CSMD1: variants seen among roughly 807,000 people sequenced by gnomAD.
CSMD1 encodes CUB and Sushi multiple domains 1.
Under a neutral mutation model 417.5 loss-of-function variants are expected in CSMD1, and 213 were observed. That is an observed-to-expected ratio of 0.51 (90% CI 0.46 to 0.57). CSMD1 has a LOEUF of 0.57. CSMD1 is among the 20% of genes least tolerant of loss of function. CSMD1 has a pLI of 0.00. For missense variants in CSMD1, 6,923 were observed against 4,529.7 expected (o/e 1.53, Z -15.17); for synonymous variants, 2,862 against 1,736.8 (o/e 1.65, Z -16.11).
chr8:3,067,845 C>T (rs921006021), intron 49 of CSMD1, among the ~76,000 whole-genome samples: 1 of 151,900 alleles, frequency 6.6e-6, no homozygotes, highest in Non-Finnish European at 1.5e-5. Flanking sequence ...CTCATACTAA[C>T]AATATGAGTC....
At chr8:3,414,632 T>G (rs1250551183) in intron 12 of CSMD1, among the ~76,000 whole-genome samples, 1 of 152,154 alleles carries the variant, frequency 6.6e-6, no homozygotes, top group East Asian at 1.9e-4. Flanking sequence ...CCAACTTTGT[T>G]CTTAGTCCAG....
intron 1 of CSMD1, among the ~76,000 whole-genome samples, chr8:4,926,521 T>A (rs1806882971): frequency 6.6e-6 from 1 of 152,242 alleles, no homozygotes. Flanking sequence ...GTTATCTTAT[T>A]TGTTTTTAAT....
chr8:3,577,015 G>A (rs138859345), intron 9 of CSMD1, among the ~76,000 whole-genome samples: 187 of 152,300 alleles, frequency 1.2e-3, no homozygotes, highest in Middle Eastern at 3.4e-3. Flanking sequence ...TGCATTTCAA[G>A]CTTTTAAAAA....
intron 1 of CSMD1, among the ~76,000 whole-genome samples, chr8:4,750,019 T>G (rs868615641): frequency 6.9e-4 from 105 of 152,106 alleles, no homozygotes; most frequent in African/African-American, 2.4e-3. Context: ...TTATTATTAT[T>G]TTTTTGAGAT....
chr8:4,336,448 C>G (rs1022564945), intron 3 of CSMD1, among the ~76,000 whole-genome samples: 5 of 152,132 alleles, frequency 3.3e-5, no homozygotes, highest in East Asian at 1.9e-4. Context: ...ATGTCAGCAT[C>G]TGTGCTATGT....
intron 63 of CSMD1, among the ~76,000 whole-genome samples, 161 bp from the exon 64 acceptor site, chr8:2,955,929 TG>T (rs987563606): frequency 6.6e-6 from 1 of 151,948 alleles, no homozygotes; most frequent in Non-Finnish European, 1.5e-5. Flanking sequence ...TTGGTAGAGA[TG>T]AAGTCTTGCT....
intron 5 of CSMD1, among the ~76,000 whole-genome samples, chr8:3,790,598 C>A (rs954842072): frequency 1.3e-5 from 2 of 152,094 alleles, no homozygotes; most frequent in African/African-American, 4.8e-5. Context: ...TTGGCATACA[C>A]AACAATTACA....
At chr8:3,369,420 T>A (rs780124171) in intron 18 of CSMD1, 50 bp from the exon 19 acceptor site, 6 of 878,806 alleles carry the variant, frequency 6.8e-6, no homozygotes, top group Non-Finnish European at 1.1e-5. Context: ...TCACAATGAT[T>A]GCCAGAACAA....
Position 4,774,117 on chromosome 8 carries a change from T to G in CSMD1, c.86-136559A>C, listed in dbSNP as rs148830078. Among the ~76,000 whole-genome samples, 744 of 152,266 alleles carry G rather than the reference T, an allele frequency of 4.9e-3. 10 individuals carry two copies. Among genetic ancestry groups the G allele is most frequent in the African/African-American group, 0.017 (715 of 41,554 alleles). On this transcript the variant is annotated intron_variant, in intron 1 of 69. Coordinates refer to ENST00000635120, the MANE Select transcript of CSMD1 (RefSeq NM_033225.6). ...GAGGCTGAGGCAGGAGAGGGTTCAC[T>G]TGAACCCAGGAGGTGGAGGTGGCAG...
intron 10 of CSMD1, among the ~76,000 whole-genome samples, chr8:3,536,428 G>C (rs771277472): frequency 5.3e-5 from 8 of 152,230 alleles, no homozygotes; most frequent in Non-Finnish European, 1.0e-4. Context: ...CTTAGAGTCA[G>C]AAAGCAGGTT....
rs574330865 is a variant in CSMD1, at chr8:4,280,711, C to T, written c.415+139242G>A. Among the ~76,000 whole-genome samples the T allele has an allele frequency of 6.6e-5, 10 of 152,098 alleles. No homozygotes were observed. The East Asian group carries it at 9.7e-4, about 15-fold the overall frequency. On this transcript the variant is annotated intron_variant, in intron 3 of 69. Transcript: ENST00000635120. ...GATGAGCACAGCTCTATAGCAATACCGTGTAAGCCATAAATATAATTGTAC... is the reference window on the plus strand; with the variant it reads ...GATGAGCACAGCTCTATAGCAATACTGTGTAAGCCATAAATATAATTGTAC...
intron 3 of CSMD1, among the ~76,000 whole-genome samples, chr8:4,367,829 A>G (rs908137164): frequency 1.3e-5 from 2 of 152,132 alleles, no homozygotes; most frequent in African/African-American, 2.4e-5. Flanking sequence ...ATTTTTAAAT[A>G]GGATTGTGTT....
At chr8:4,612,903 T>C (rs903934558) in intron 2 of CSMD1, among the ~76,000 whole-genome samples, 1 of 152,178 alleles carries the variant, frequency 6.6e-6, no homozygotes, top group Non-Finnish European at 1.5e-5. Context: ...TTCCTGAACA[T>C]GATAGGCAGA....
chr8:4,196,489 C>G (rs1377725825), intron 3 of CSMD1, among the ~76,000 whole-genome samples: 2 of 152,130 alleles, frequency 1.3e-5, no homozygotes, highest in East Asian at 1.9e-4. Context: ...CTTTTAGAAT[C>G]CAGTTTGTTA....
intron 1 of CSMD1, among the ~76,000 whole-genome samples, chr8:4,913,049 A>C (rs1805806508): frequency 6.6e-6 from 1 of 152,160 alleles, no homozygotes; most frequent in Non-Finnish European, 1.5e-5. Context: ...TCGGCCTCCC[A>C]AACTGCTGGG....
At chr8:4,787,919 T>C (rs1488181952) in intron 1 of CSMD1, 1 of 1,591,142 alleles carries the variant, frequency 6.3e-7, no homozygotes, top group Non-Finnish European at 8.6e-7. Flanking sequence ...ACAAAGAAAT[T>C]GTTCTTGCTG....
intron 1 of CSMD1, among the ~76,000 whole-genome samples, chr8:4,640,889 G>C (rs1465760393): frequency 1.3e-5 from 2 of 148,340 alleles, no homozygotes; most frequent in Admixed American, 6.7e-5. Context: ...AAGTCTAATG[G>C]TCTTCTTCCT....
intron 26 of CSMD1, among the ~76,000 whole-genome samples, chr8:3,255,783 A>G (rs1353782922): frequency 6.6e-6 from 1 of 152,164 alleles, no homozygotes; most frequent in African/African-American, 2.4e-5. Flanking sequence ...TTCTTTGACT[A>G]GAAAGGGAAT....
intron 7 of CSMD1, among the ~76,000 whole-genome samples, chr8:3,634,995 T>C (rs1426106026): frequency 6.6e-6 from 1 of 152,122 alleles, no homozygotes; most frequent in African/African-American, 2.4e-5. Flanking sequence ...GAAATTTGTG[T>C]ATCTAAACCT....
Sources: gnomAD v4.1 joint callset for allele counts (sites outside exome capture counted in the v4.1 genomes callset) on GRCh38, gnomAD v4.1.1 for gene constraint, MANE v1.5 for transcripts, NCBI Gene and HGNC (gene_info 2026-07-23, HGNC 2026-07-21) for gene names.